GRB10: variants seen among roughly 807,000 people sequenced by gnomAD.
GRB10 encodes growth factor receptor bound protein 10, also known as growth factor receptor-bound protein 10.
Under a neutral mutation model 80.9 loss-of-function variants are expected in GRB10, and 20 were observed. The ratio of observed to expected loss-of-function variants is 0.25; its 90% CI spans 0.17 to 0.36. The LOEUF is 0.36. GRB10 is among the 10% of genes least tolerant of loss of function. The probability of loss-of-function intolerance (pLI) is 1.00; values close to 1 mark genes in which losing one functional copy is unlikely to be tolerated. For synonymous variants in GRB10, 291 were observed against 291.5 expected, an observed-to-expected ratio of 1.00 and a Z score of 0.02; for missense variants, 548 against 747.7, an observed-to-expected ratio of 0.73 and a Z score of 3.12.
At chr7:50,765,961 G>A (rs1326659438) in intron 2 of GRB10, among the ~76,000 whole-genome samples, 1 of 152,100 alleles carries the variant, frequency 6.6e-6, no homozygotes, top group Non-Finnish European at 1.5e-5. Flanking sequence ...TATCTATTAT[G>A]CATCAATTAA....
At chr7:50,671,270 C>A (rs62448800) in intron 6 of GRB10, among the ~76,000 whole-genome samples, 13 of 152,172 alleles carry the variant, frequency 8.5e-5, no homozygotes, top group Non-Finnish European at 1.3e-4. Context: ...ACCTCAGAAA[C>A]CCCCATCATA....
chr7:50,759,355 C>T (rs537184667), intron 2 of GRB10, among the ~76,000 whole-genome samples: 1 of 152,188 alleles, frequency 6.6e-6, no homozygotes, highest in African/African-American at 2.4e-5. Context: ...CAGATGGAAG[C>T]GAAAACAGAA....
intron 8 of GRB10, among the ~76,000 whole-genome samples, chr7:50,624,095 T>C (rs2052410742): frequency 6.6e-6 from 1 of 152,152 alleles, no homozygotes; most frequent in Admixed American, 6.5e-5. Context: ...CCCTCAATTA[T>C]GGGGGGGTTG....
At chr7:50,763,104 C>A (rs1410045066) in intron 2 of GRB10, among the ~76,000 whole-genome samples, 1 of 145,276 alleles carries the variant, frequency 6.9e-6, no homozygotes, top group African/African-American at 2.6e-5. Context: ...GGCGACAGAG[C>A]AAGACTCCGT....
intron 3 of GRB10, 104 bp from the exon 4 acceptor site, chr7:50,732,472 T>C (rs2108350): frequency 0.89 from 661,816 of 742,332 alleles, 295,459 homozygotes; most frequent in African/African-American, 0.96. Context: ...CAGCTCTTGG[T>C]CTTAGCTTGT....
chr7:50,637,862 C>A (rs2055369655), intron 7 of GRB10, among the ~76,000 whole-genome samples: 1 of 145,330 alleles, frequency 6.9e-6, no homozygotes, highest in Middle Eastern at 3.6e-3. Flanking sequence ...ACATACAAAT[C>A]AATGAAATGG....
At chr7:50,778,360 C>G (rs1009543650) in intron 2 of GRB10, among the ~76,000 whole-genome samples, 6 of 152,214 alleles carry the variant, frequency 3.9e-5, no homozygotes, top group Admixed American at 2.6e-4. Context: ...CCTAGGAAGA[C>G]TGTTAATGAA....
chr7:50,639,178 T>A (rs1448627392), intron 7 of GRB10, among the ~76,000 whole-genome samples: 1 of 152,160 alleles, frequency 6.6e-6, no homozygotes, highest in Non-Finnish European at 1.5e-5. Flanking sequence ...CAGTAGAAAC[T>A]CAAACCTCAT....
chr7:50,632,333 T>C (rs2054151136), intron 7 of GRB10, among the ~76,000 whole-genome samples: 1 of 152,022 alleles, frequency 6.6e-6, no homozygotes, highest in African/African-American at 2.4e-5. Context: ...ACCTGAAGTG[T>C]TTTGTTGTTA....
At chr7:50,781,824 G>A (rs2078312747) in intron 1 of GRB10, among the ~76,000 whole-genome samples, 1 of 152,224 alleles carries the variant, frequency 6.6e-6, no homozygotes, top group Admixed American at 6.5e-5. Flanking sequence ...CGAACCCCAT[G>A]CCCACATCTT....
rs1039838806 is a variant in GRB10 at position 50,696,556 on chromosome 7, C to A, written c.139+7265G>T. On this transcript the variant is annotated intron_variant, in intron 5 of 18. Coordinates refer to ENST00000401949, the MANE Select transcript of GRB10 (RefSeq NM_001350814.2). ...AGCCTTTGGGAGCTCTCTACAGAGT[C>A]AACTCTATCTGCTTTTGTACACAGA... 7.9e-5 allele frequency among the ~76,000 whole-genome samples: 12 copies of A among 152,302 alleles called. No homozygotes were observed. In the East Asian group the frequency reaches 2.3e-3, roughly 29 times the overall value.
intron 7 of GRB10, among the ~76,000 whole-genome samples, chr7:50,657,816 G>A (rs2058800175): frequency 6.6e-6 from 1 of 152,162 alleles, no homozygotes. Context: ...GCAGAGGGAG[G>A]ATGTTTACCA....
intron 5 of GRB10, among the ~76,000 whole-genome samples, chr7:50,674,939 CT>C (rs757014935): frequency 5.3e-5 from 8 of 152,306 alleles, no homozygotes; most frequent in South Asian, 4.2e-4. Flanking sequence ...GCTCAGCTCC[CT>C]TCAGCACCCC....
intron 4 of GRB10, among the ~76,000 whole-genome samples, chr7:50,724,576 C>A (rs1352187080): frequency 1.3e-5 from 2 of 151,884 alleles, no homozygotes; most frequent in Non-Finnish European, 2.9e-5. Flanking sequence ...GAGCGTGAGC[C>A]GCCCAGCTCT....
intron 2 of GRB10, among the ~76,000 whole-genome samples, chr7:50,775,066 T>TGGGAAGATAG (rs1400115419): frequency 1.5e-5 from 2 of 137,254 alleles, no homozygotes; most frequent in Non-Finnish European, 3.1e-5. Flanking sequence ...CAGGCTGAAG[T>TGGGAAGATAG]GGGAAGATAG....
Position 50,756,169 on chromosome 7 carries a change from C to T in GRB10, c.-216-113G>A, listed in dbSNP as rs2075048911. On this transcript the variant is annotated intron_variant, in intron 2 of 18. Coordinates refer to ENST00000401949, the MANE Select transcript of GRB10 (RefSeq NM_001350814.2). ...ACAGACATGAAAGAATATTTTTTTC[C>T]AAGAAGATCATTTAAGAGTGTTCTG... 4 of 397,350 alleles carry T rather than the reference C, an allele frequency of 1.0e-5. No individual in the cohort carries two copies. In the Admixed American group the frequency reaches 1.3e-4, roughly 13 times the overall value. 24.6% of individuals were successfully genotyped at this position (397,350 alleles called of 1,614,324 possible).
At chr7:50,633,904 A>C (rs73113047) in intron 7 of GRB10, among the ~76,000 whole-genome samples, 13,343 of 152,250 alleles carry the variant, frequency 0.088, 895 homozygotes, top group Non-Finnish European at 0.11. Flanking sequence ...AAGATTATTT[A>C]AACCTAGGAC....
chr7:50,766,647 C>T (rs1022365833), intron 2 of GRB10, among the ~76,000 whole-genome samples: 1 of 152,108 alleles, frequency 6.6e-6, no homozygotes, highest in African/African-American at 2.4e-5. Context: ...AAAGATCTCT[C>T]CTCTCCTCAA....
At chr7:50,787,320 C>G (rs1434471066), upstream of GRB10, among the ~76,000 whole-genome samples, 1 of 151,958 alleles carries the variant, frequency 6.6e-6, no homozygotes, top group African/African-American at 2.4e-5. Flanking sequence ...AATCTATTGT[C>G]TAGACCTCTT....
Sources: allele counts gnomAD v4.1 joint callset (sites outside exome capture counted in the v4.1 genomes callset), GRCh38; gene constraint gnomAD v4.1.1; transcripts MANE v1.5; gene names NCBI Gene and HGNC (gene_info 2026-07-23, HGNC 2026-07-21).